Variants in PPP6R1 observed in about 807,000 individuals in gnomAD.
PPP6R1 encodes the protein serine/threonine-protein phosphatase 6 regulatory subunit 1.
Under a neutral mutation model 104.6 loss-of-function variants are expected in PPP6R1, and 39 were observed. That is an observed-to-expected ratio of 0.37 (90% CI 0.29 to 0.49). PPP6R1 has a LOEUF of 0.49. Ranked by LOEUF, PPP6R1 falls within the 20% of genes least tolerant of loss-of-function variation. The pLI is 0.98. For missense variants in PPP6R1, 1,181 were observed against 1,155.8 expected (o/e 1.02, Z -0.32); for synonymous variants, 549 against 479.0 (o/e 1.15, Z -1.91).
In PPP6R1 at chr19:55,245,177, G is replaced by A. The variant is rs373440981; in HGVS notation, c.561C>T (p.Asn187=). ...QLRQDVVNWL[N]EEKIVQRLIE... is the part of the protein sequence containing the mutation. ...TCAGCCGCTGGACGATCTTCTCCTC[G>A]TTGAGCCACTGAGGGTGAGAAGGCG... The change falls in exon 5 of 24, where the codon AAC becomes AAT. Residue 187 remains asparagine, a synonymous_variant. Transcript: ENST00000412770. The surrounding 1 kb of genome is among the most constrained non-coding windows in gnomAD (Gnocchi z 6.4). 1.1e-5 allele frequency: 18 copies of A among 1,612,792 alleles called. No individual in the cohort carries two copies. Among genetic ancestry groups the A allele is most frequent in the African/African-American group, 8.0e-5 (6 of 74,900 alleles).
chr19:55,228,684 C>A (rs1244530195), downstream of PPP6R1: 3 of 1,612,090 alleles, frequency 1.9e-6, no homozygotes, highest in Admixed American at 5.0e-5. Context: ...GCTCAGAAGG[C>A]TCTCACCTGG....
intron 17 of PPP6R1, among the ~76,000 whole-genome samples, chr19:55,233,994 G>T (rs1355772094): frequency 6.6e-6 from 1 of 152,124 alleles, no homozygotes; most frequent in Non-Finnish European, 1.5e-5. Context: ...CACCCAGACT[G>T]GAGTGCAATG....
At chr19:55,250,721 G>C (rs935147300) in intron 1 of PPP6R1, among the ~76,000 whole-genome samples, 8 of 151,896 alleles carry the variant, frequency 5.3e-5, no homozygotes, top group African/African-American at 1.2e-4. Flanking sequence ...AGCACCACCA[G>C]AAATCTAGGG....
intron 1 of PPP6R1, among the ~76,000 whole-genome samples, chr19:55,257,357 C>G (rs1217293507): frequency 6.6e-6 from 1 of 152,248 alleles, no homozygotes; most frequent in Non-Finnish European, 1.5e-5. Context: ...ACAGTCTACG[C>G]AGCTTCCTTT....
At position 55,245,113 on chromosome 19, in the gene PPP6R1, C is replaced by G; in HGVS notation, c.618+7G>C. On this transcript the variant is annotated splice_region_variant and intron_variant, in intron 5 of 23. Coordinates refer to ENST00000412770, the MANE Select transcript of PPP6R1 (RefSeq NM_014931.4). The surrounding 1 kb of genome is among the most constrained non-coding windows in gnomAD (Gnocchi z 6.4). ...GGGGAATCCGCAGGGGCATCGGCAGCACTCACATTCTCATCCTTCGACGGG... is the reference window on the plus strand; with the variant it reads ...GGGGAATCCGCAGGGGCATCGGCAGGACTCACATTCTCATCCTTCGACGGG... 1 of 1,613,034 alleles carries G rather than the reference C, an allele frequency of 6.2e-7. No individual in the cohort carries two copies. The highest frequency in any genetic ancestry group is 8.5e-7 in the Non-Finnish European group (1 of 1,179,604).
rs772170248 is a variant in PPP6R1 at position 55,241,523 on chromosome 19, C to T, written c.962G>A (p.Arg321His). 38 of 1,585,916 alleles carry T rather than the reference C, an allele frequency of 2.4e-5. No individual in the cohort carries two copies. In the Admixed American group the frequency reaches 2.5e-4, roughly 11 times the overall value. ...CTGGTGGAAGCAGCTGAGCCGCGGG[C>T]GTAGGGCGTGCAAGGCGCCCACACT... ...VSSVGALHAL[R>H]PRLSCFHQLL... The change falls in exon 8 of 24, where the codon CGC becomes CAC. Residue 321 changes from arginine (R) to histidine (H), a missense_variant. By Grantham distance (29) the Arg-to-His change is conservative. Coordinates refer to ENST00000412770, the MANE Select transcript of PPP6R1 (RefSeq NM_014931.4). The surrounding 1 kb of genome is among the most constrained non-coding windows in gnomAD (Gnocchi z 5.4).
chr19:55,228,354 C>A (rs772115222), downstream of PPP6R1: 42 of 1,613,770 alleles, frequency 2.6e-5, no homozygotes, highest in African/African-American at 8.0e-5. Flanking sequence ...CGAACCAGGA[C>A]AGCTGGTCCT....
In PPP6R1 at chr19:55,231,795, T is replaced by G. The variant is rs762067274; in HGVS notation, c.2306+7A>C. 193 of 1,498,818 alleles carry G rather than the reference T, an allele frequency of 1.3e-4. 1 individual carries two copies. The highest frequency in any genetic ancestry group is 1.7e-4 in the Non-Finnish European group (193 of 1,124,986). The allele number at this position is 1,498,818 out of a possible 1,614,324, so 92.8% of individuals were successfully genotyped here. ...GCACCATTTAGCCCGTTCCATCCGGTTCTCACCTGAGCTGCAGGGCGTCAC... is the reference window on the plus strand; with the variant it reads ...GCACCATTTAGCCCGTTCCATCCGGGTCTCACCTGAGCTGCAGGGCGTCAC... On this transcript the variant is annotated splice_region_variant and intron_variant, in intron 19 of 23. Transcript: ENST00000412770.
At chr19:55,234,634 TTCACAGCGGCCGCAC>T (rs11274918) in intron 17 of PPP6R1, among the ~76,000 whole-genome samples, 12,962 of 151,442 alleles carry the variant, frequency 0.086, 1,849 homozygotes, top group African/African-American at 0.3. Context: ...TGCAAGGGTA[TTCACAGCGGCCGCAC>T]TCACAGCGGC....
intron 21 of PPP6R1, among the ~76,000 whole-genome samples, chr19:55,231,113 C>T (rs1001625710): frequency 1.3e-4 from 20 of 152,248 alleles, no homozygotes; most frequent in East Asian, 3.9e-4. Context: ...AGGAGGTACT[C>T]GAGGCCGGCT....
intron 1 of PPP6R1, among the ~76,000 whole-genome samples, chr19:55,249,099 A>G (rs2087533488): frequency 6.6e-6 from 1 of 152,198 alleles, no homozygotes; most frequent in Non-Finnish European, 1.5e-5. Flanking sequence ...TCCGTGACCA[A>G]CGACAGTCAT....
Position 55,231,803 on chromosome 19 carries a change from T to C in PPP6R1, c.2305A>G (p.Arg769Gly). Residue 769 changes from arginine to glycine, a missense_variant and splice_region_variant, in exon 19 of 24, where the codon AGG becomes GGG. Transcript: ENST00000412770. ...TAGCCCGTTCCATCCGGTTCTCACC[T>C]GAGCTGCAGGGCGTCACGGGCAGGA... ...SPPARDALQLRSQDPTPPSAP... is the reference protein window; with the variant it reads ...SPPARDALQLGSQDPTPPSAP... 6.7e-7 allele frequency: 1 copy of C among 1,499,888 alleles called. No homozygotes were observed. Among genetic ancestry groups the C allele is most frequent in the Non-Finnish European group, 8.9e-7 (1 of 1,125,556 alleles). 92.9% of individuals were successfully genotyped at this position (1,499,888 alleles called of 1,614,324 possible).
At chr19:55,253,714 G>A (rs1030219053) in intron 1 of PPP6R1, among the ~76,000 whole-genome samples, 1 of 152,168 alleles carries the variant, frequency 6.6e-6, no homozygotes, top group Non-Finnish European at 1.5e-5. Flanking sequence ...CAGAAAAAAA[G>A]AGAAAAAAAC....
chr19:55,232,383 G>C, intron 17 of PPP6R1, 172 bp from the exon 18 acceptor site: 1 of 1,015,494 alleles, frequency 9.8e-7, no homozygotes, highest in South Asian at 1.9e-5. Flanking sequence ...CTGGGAGAGG[G>C]AGTTCTGAGC....
At chr19:55,258,363 G>C (rs1035852987) in intron 1 of PPP6R1, 72 bp downstream of exon 1, 1 of 152,240 alleles carries the variant, frequency 6.6e-6, no homozygotes, top group African/African-American at 2.4e-5. Flanking sequence ...AAAAGCCTGA[G>C]GGGACGCGGA....
intron 1 of PPP6R1, among the ~76,000 whole-genome samples, chr19:55,257,682 T>C (rs922574675): frequency 2.0e-5 from 3 of 152,162 alleles, no homozygotes; most frequent in Non-Finnish European, 4.4e-5. Flanking sequence ...TCCCGCTCTG[T>C]GGCCCCCTGC....
chr19:55,237,363 G>C (rs1158805850), intron 15 of PPP6R1, among the ~76,000 whole-genome samples: 1 of 152,122 alleles, frequency 6.6e-6, no homozygotes, highest in Admixed American at 6.5e-5. Context: ...CACCAGCCAG[G>C]CACAAGCAGA....
In PPP6R1 at chr19:55,242,169, G is replaced by A. The variant is rs372881435; in HGVS notation, c.842C>T (p.Pro281Leu). The A allele has an allele frequency of 8.1e-6, 13 of 1,612,400 alleles. No individual in the cohort carries two copies. The highest frequency in any genetic ancestry group is 5.3e-5 in the African/African-American group (4 of 74,986). Residue 281 changes from proline (P) to leucine (L), a missense_variant, in exon 7 of 24, where the codon CCG (proline) becomes CTG (leucine). Pro to Leu is a moderately conservative substitution (Grantham distance 98). Coordinates refer to ENST00000412770, the MANE Select transcript of PPP6R1 (RefSeq NM_014931.4). Reference protein sequence around the residue: ...VLLTLLEPRRPRSESVTVNSF... With the variant: ...VLLTLLEPRRLRSESVTVNSF... ...GTCTGTGGCCCGTATCCCTCACCTC[G>A]GCCTCCTGGGCTCCAGCAGGGTCAG...
Position 55,239,988 on chromosome 19 carries a change from G to C in PPP6R1, c.1477+11C>G. 5.0e-6 allele frequency: 8 copies of C among 1,607,086 alleles called. No individual in the cohort carries two copies. The highest frequency in any genetic ancestry group is 6.8e-6 in the Non-Finnish European group (8 of 1,177,154). On this transcript the variant is annotated intron_variant, in intron 12 of 23. Transcript: ENST00000412770. Reference sequence around the variant, plus strand: ...CCCACCTAGCCCTCAGGCCGGCCTGGGGACCCTCACCCTTCAGCAGCTGCC... The same window carrying C: ...CCCACCTAGCCCTCAGGCCGGCCTGCGGACCCTCACCCTTCAGCAGCTGCC...
Sources: allele counts gnomAD v4.1 joint callset (sites outside exome capture counted in the v4.1 genomes callset), GRCh38; gene constraint gnomAD v4.1.1; non-coding constraint Gnocchi (gnomAD v3.1); transcripts MANE v1.5; gene names NCBI Gene and HGNC (gene_info 2026-07-23, HGNC 2026-07-21).